Variants in PTPN2 observed in about 807,000 individuals in gnomAD.
PTPN2 encodes tyrosine-protein phosphatase non-receptor type 2.
PTPN2 carries 19 observed loss-of-function variants against 57.3 expected under a neutral mutation model. The ratio of observed to expected loss-of-function variants is 0.33; its 90% CI spans 0.23 to 0.49. PTPN2 has a LOEUF of 0.49. Among genes scored for constraint, PTPN2 ranks in the 20% least tolerant of loss-of-function variants. The probability of loss-of-function intolerance (pLI) is 0.99; values close to 1 mark genes in which losing one functional copy is unlikely to be tolerated. For synonymous variants in PTPN2, 153 were observed against 164.9 expected, an observed-to-expected ratio of 0.93 and a Z score of 0.55; for missense variants, 358 against 501.1, an observed-to-expected ratio of 0.71 and a Z score of 2.73.
intron 1 of PTPN2, among the ~76,000 whole-genome samples, chr18:12,870,460 T>G (rs373393376): frequency 0.46 from 10,743 of 23,550 alleles, 3,220 homozygotes; most frequent in Non-Finnish European, 0.51. Context: ...TATATATATA[T>G]ATAGAGAGAG....
chr18:12,797,036 A>G (rs765064032), intron 8 of PTPN2, among the ~76,000 whole-genome samples: 25 of 152,070 alleles, frequency 1.6e-4, no homozygotes, highest in Non-Finnish European at 5.9e-5. Context: ...ACTCCATCTG[A>G]ATATCTGCTA....
intron 2 of PTPN2, among the ~76,000 whole-genome samples, chr18:12,857,303 T>G (rs1357286318): frequency 1.3e-5 from 2 of 151,992 alleles, no homozygotes; most frequent in African/African-American, 4.8e-5. Flanking sequence ...ATTCCAGGAA[T>G]CTACACGTGA....
chr18:12,788,452 T>TTTTTTTTAA (rs1555654857), downstream of PTPN2, among the ~76,000 whole-genome samples: 1 of 148,504 alleles, frequency 6.7e-6, no homozygotes, highest in Non-Finnish European at 1.5e-5. Context: ...TTTTTTTTTT[T>TTTTTTTTAA]AAATAGAGTG....
chr18:12,823,129 A>T (rs1568114319), intron 5 of PTPN2, among the ~76,000 whole-genome samples: 1 of 152,232 alleles, frequency 6.6e-6, no homozygotes, highest in Non-Finnish European at 1.5e-5. Context: ...AGAATAAAGA[A>T]TCCCTAGTTC....
At chr18:12,789,838 T>C (rs1183627845), downstream of PTPN2, among the ~76,000 whole-genome samples, 1 of 149,080 alleles carries the variant, frequency 6.7e-6, no homozygotes, top group Non-Finnish European at 1.5e-5. Flanking sequence ...TATTTTTATA[T>C]CTATTTTATA....
rs887417241 is a variant in PTPN2 at position 12,856,549 on chromosome 18, G to A, written c.160+2615C>T. Among the ~76,000 whole-genome samples, 50 of 152,178 alleles carry A rather than the reference G, an allele frequency of 3.3e-4. 1 individual carries two copies. The highest frequency in any genetic ancestry group is 1.0e-4 in the Non-Finnish European group (7 of 68,032). ...CTCTCAAGGCTAAGTGCTTTTCAATGAGAAGGCATACAGGAAGAGCCTGGT... is the reference window on the plus strand; with the variant it reads ...CTCTCAAGGCTAAGTGCTTTTCAATAAGAAGGCATACAGGAAGAGCCTGGT... On this transcript the variant is annotated intron_variant, in intron 2 of 8. Transcript: ENST00000309660.
At chr18:12,824,132 T>C (rs2042365780) in intron 5 of PTPN2, among the ~76,000 whole-genome samples, 1 of 152,178 alleles carries the variant, frequency 6.6e-6, no homozygotes, top group South Asian at 2.1e-4. Flanking sequence ...TATCAAAGAG[T>C]TATTGATGTA....
chr18:12,850,943 T>C (rs892643637), intron 2 of PTPN2, among the ~76,000 whole-genome samples: 2 of 152,114 alleles, frequency 1.3e-5, no homozygotes, highest in Non-Finnish European at 2.9e-5. Context: ...TTTCTCCATG[T>C]TGGTCAGGCT....
chr18:12,809,480 C>G (rs1480351774), intron 7 of PTPN2, among the ~76,000 whole-genome samples: 1 of 152,176 alleles, frequency 6.6e-6, no homozygotes, highest in African/African-American at 2.4e-5. Flanking sequence ...GAAACATGAT[C>G]CCCATCTATG....
intron 4 of PTPN2, among the ~76,000 whole-genome samples, chr18:12,830,222 T>C (rs1464555017): frequency 6.6e-6 from 1 of 152,064 alleles, no homozygotes; most frequent in Non-Finnish European, 1.5e-5. Context: ...CAATCTCGGC[T>C]CACTGCAACC....
rs753203587 is a variant in PTPN2 at position 12,830,943 on chromosome 18, C to T, written c.360G>A (p.Ser120=). ...VMLNRIVEKE[S]VKCAQYWPTD... ...GTTGTAAATATTAAATATTACTCAC[C>T]GATTCTTTCTCCACAATGCGGTTCA... Residue 120 remains serine (S), a splice_region_variant and synonymous_variant, in exon 4 of 9, where the codon TCG becomes TCA. Transcript: ENST00000309660. The T allele has an allele frequency of 1.1e-5, 18 of 1,577,108 alleles. No homozygotes were observed. The highest frequency in any genetic ancestry group is 4.4e-5 in the South Asian group (4 of 90,206).
chr18:12,785,977 A>G, intron 9 of PTPN2: 2 of 737,506 alleles, frequency 2.7e-6, no homozygotes, highest in East Asian at 2.7e-5. Context: ...CACATGACAC[A>G]TTCAACCACA....
At chr18:12,828,958 C>T (rs1421113133) in intron 4 of PTPN2, among the ~76,000 whole-genome samples, 1 of 152,016 alleles carries the variant, frequency 6.6e-6, no homozygotes, top group Non-Finnish European at 1.5e-5. Context: ...AGTGCAGTGG[C>T]ACGACCATAG....
At chr18:12,873,450 A>C (rs1246308441) in intron 1 of PTPN2, among the ~76,000 whole-genome samples, 3 of 152,068 alleles carry the variant, frequency 2.0e-5, no homozygotes, top group Non-Finnish European at 4.4e-5. Context: ...GCCATGCCTG[A>C]CTGGTTTTCG....
At chr18:12,836,962 T>C in intron 2 of PTPN2, 71 bp from the exon 3 acceptor site, 2 of 883,310 alleles carry the variant, frequency 2.3e-6, no homozygotes, top group East Asian at 5.2e-5. Context: ...ATTAATATTC[T>C]AGGTATTTAT....
At chr18:12,843,927 C>A (rs934602533) in intron 2 of PTPN2, 1 of 152,240 alleles carries the variant, frequency 6.6e-6, no homozygotes, top group Non-Finnish European at 1.5e-5. Context: ...CACAAAGGTT[C>A]TGTGTGCCCC....
intron 1 of PTPN2, among the ~76,000 whole-genome samples, chr18:12,861,059 C>T (rs981372724): frequency 2.0e-5 from 3 of 152,094 alleles, no homozygotes; most frequent in Admixed American, 6.6e-5. Flanking sequence ...AGGCTGTTCT[C>T]GAACACCTGG....
intron 1 of PTPN2, among the ~76,000 whole-genome samples, chr18:12,882,925 T>G (rs2044708610): frequency 6.6e-6 from 1 of 152,192 alleles, no homozygotes; most frequent in African/African-American, 2.4e-5. Context: ...AATTCAATCT[T>G]GGGAATAATA....
downstream of PTPN2, among the ~76,000 whole-genome samples, chr18:12,788,998 A>G (rs2040914503): frequency 2.0e-5 from 3 of 152,230 alleles, no homozygotes; most frequent in South Asian, 6.2e-4. Context: ...GATGAACAAC[A>G]TAATGGCTGT....
Sources: gnomAD v4.1 joint callset for allele counts (sites outside exome capture counted in the v4.1 genomes callset) on GRCh38, gnomAD v4.1.1 for gene constraint, MANE v1.5 for transcripts, NCBI Gene and HGNC (gene_info 2026-07-23, HGNC 2026-07-21) for gene names.